Variants in NR2C2AP observed in about 807,000 individuals in gnomAD.
The protein encoded by NR2C2AP is nuclear receptor 2C2 associated protein, also known as nuclear receptor 2C2-associated protein.
In NR2C2AP, 13 loss-of-function variants were observed where a neutral mutation model predicts 19.1. That is an observed-to-expected ratio of 0.68 (90% confidence interval 0.44 to 1.08). The LOEUF (loss-of-function observed/expected upper bound fraction) is 1.08, where lower values mean the gene tolerates loss of function less well. Ranked by LOEUF, NR2C2AP falls within the 50% of genes least tolerant of loss-of-function variation. The pLI is 0.00. For synonymous variants in NR2C2AP, 81 were observed against 64.4 expected (o/e 1.26, Z -1.23); for missense variants, 181 against 172.7 (o/e 1.05, Z -0.27).
At position 19,201,623 on chromosome 19, in the gene NR2C2AP, C is replaced by T. The variant is rs755199376; in HGVS notation, c.*302G>A. ...CCCCACTCCCGATTCAAGCTCACAGCCCACCTTTTCCCTGCCCCATCTCAG... is the reference window on the plus strand; with the variant it reads ...CCCCACTCCCGATTCAAGCTCACAGTCCACCTTTTCCCTGCCCCATCTCAG... On this transcript the variant is annotated 3_prime_UTR_variant, in exon 5 of 5. Coordinates refer to ENST00000331552, the MANE Select transcript of NR2C2AP (RefSeq NM_176880.6). 2 of 1,613,908 alleles carry T rather than the reference C, an allele frequency of 1.2e-6. No individual in the cohort carries two copies. Among genetic ancestry groups the T allele is most frequent in the Non-Finnish European group, 1.7e-6 (2 of 1,180,024 alleles).
chr19:19,201,523 G>T lies in NR2C2AP; in HGVS notation c.*402C>A. 3 of 1,602,204 alleles carry T rather than the reference G, an allele frequency of 1.9e-6. No individual in the cohort carries two copies. The highest frequency in any genetic ancestry group is 2.5e-6 in the Non-Finnish European group (3 of 1,179,708). ...GTGAGTCCTCGGTTCTCCCAGCTTT[G>T]CTCTGTAATGCAGGTCTCTGCAAGG... On this transcript the variant is annotated 3_prime_UTR_variant, in exon 5 of 5. Transcript: ENST00000331552.
At chr19:19,202,911 G>C (rs1372739959) in intron 1 of NR2C2AP, 30 bp from the exon 2 acceptor site, 2 of 1,610,200 alleles carry the variant, frequency 1.2e-6, no homozygotes, top group Non-Finnish European at 8.5e-7. Context: ...GGCGAAGAGA[G>C]GGGCTGAGAC....
rs369777327 is a variant in NR2C2AP at position 19,203,052 on chromosome 19, G to A, written c.9C>T (p.His3=). 5.6e-6 allele frequency: 9 copies of A among 1,614,082 alleles called. No individual in the cohort carries two copies. Among genetic ancestry groups the A allele is most frequent in the Non-Finnish European group, 7.6e-6 (9 of 1,179,940 alleles). Residue 3 remains histidine (H), a synonymous_variant, in exon 1 of 5, where the codon CAC becomes CAT. Transcript: ENST00000331552. The part of the protein sequence containing the change: MT[H]SLVCPETVSR... ...TCACTGTCTCTGGACAAACCAAAGA[G>A]TGGGTCATGTCGGTTCCACAAGACC...
chr19:19,202,646 CA>C, intron 2 of NR2C2AP, 71 bp from the exon 3 acceptor site: 1 of 1,449,620 alleles, frequency 6.9e-7, no homozygotes, highest in South Asian at 1.1e-5. Context: ...CTGTCTCATT[CA>C]CATAGTTCTT....
chr19:19,203,176 C>T lies in NR2C2AP; in HGVS notation c.-116G>A. Reference sequence around the variant, plus strand: ...TTGGCTACGCCTTGGCCTGAACGTCCTCACCTGTAACTTGGGACGAGAACC... The same window carrying T: ...TTGGCTACGCCTTGGCCTGAACGTCTTCACCTGTAACTTGGGACGAGAACC... On this transcript the variant is annotated 5_prime_UTR_variant, in exon 1 of 5. Transcript: ENST00000331552. 1 of 1,033,816 alleles carries T rather than the reference C, an allele frequency of 9.7e-7. No homozygotes were observed. The highest frequency in any genetic ancestry group is 1.5e-6 in the Non-Finnish European group (1 of 676,762). 64.0% of individuals were successfully genotyped at this position (1,033,816 alleles called of 1,614,324 possible). A position where few individuals can be genotyped will look rare whatever the true frequency, so the allele number is the denominator to read the frequency against.
rs758311704 is a variant in NR2C2AP, at chr19:19,202,459, CCTT to C, written c.235+8_235+10del. The C allele has an allele frequency of 4.3e-6, 7 of 1,613,530 alleles. No individual in the cohort carries two copies. The highest frequency in any genetic ancestry group is 5.9e-6 in the Non-Finnish European group (7 of 1,179,430). Reference sequence around the variant, plus strand: ...CCCCTGGAACCCCTGCCACCCAGGGCCTTCTAGTACCTTCCAGGCAGCCCCGGC... The same window carrying C: ...CCCCTGGAACCCCTGCCACCCAGGGCCTAGTACCTTCCAGGCAGCCCCGGC... On this transcript the variant is annotated splice_region_variant and intron_variant, in intron 3 of 4. Coordinates refer to ENST00000331552, the MANE Select transcript of NR2C2AP (RefSeq NM_176880.6).
rs1341262940 is a variant in NR2C2AP, at chr19:19,203,380, A to T, written c.-320T>A. On this transcript the variant is annotated 5_prime_UTR_variant, in exon 1 of 5. Transcript: ENST00000331552. Reference sequence around the variant, plus strand: ...TGTGCGAGGCTGTTTCTCTGCGAATAGCTCTTGGAGCCAAATCTTGGGACC... The same window carrying T: ...TGTGCGAGGCTGTTTCTCTGCGAATTGCTCTTGGAGCCAAATCTTGGGACC... The T allele has an allele frequency of 1.1e-5, 5 of 456,696 alleles. No homozygotes were observed. The highest frequency in any genetic ancestry group is 2.0e-5 in the African/African-American group (1 of 50,618). 28.3% of individuals were successfully genotyped at this position (456,696 alleles called of 1,614,324 possible). A position where few individuals can be genotyped will look rare whatever the true frequency, so the allele number is the denominator to read the frequency against.
Position 19,203,368 on chromosome 19 carries a change from T to G in NR2C2AP, c.-308A>C. 2 of 491,862 alleles carry G rather than the reference T, an allele frequency of 4.1e-6. No individual in the cohort carries two copies. Among genetic ancestry groups the G allele is most frequent in the Admixed American group, 3.3e-5 (1 of 30,620 alleles). The allele number at this position is 491,862 out of a possible 1,614,324, so 30.5% of individuals were successfully genotyped here. A position where few individuals can be genotyped will look rare whatever the true frequency, so the allele number is the denominator to read the frequency against. ...GCGGTGGCTTTTTGTGCGAGGCTGT[T>G]TCTCTGCGAATAGCTCTTGGAGCCA... is the stretch of plus-strand genomic sequence containing the variant. On this transcript the variant is annotated 5_prime_UTR_variant, in exon 1 of 5. Coordinates refer to ENST00000331552, the MANE Select transcript of NR2C2AP (RefSeq NM_176880.6).
rs1568586226 is a variant in NR2C2AP, at chr19:19,201,748, A to C, written c.*177T>G. The stretch of plus-strand genomic sequence containing the variant: ...CCGCCTGCCGGGGACTCAGACACTC[A>C]GGGAACAAAATGGTCAGCCAGAGCT... On this transcript the variant is annotated 3_prime_UTR_variant, in exon 5 of 5. Coordinates refer to ENST00000331552, the MANE Select transcript of NR2C2AP (RefSeq NM_176880.6). 1 of 1,613,734 alleles carries C rather than the reference A, an allele frequency of 6.2e-7. No individual in the cohort carries two copies. The highest frequency in any genetic ancestry group is 1.7e-5 in the Admixed American group (1 of 60,022).
In NR2C2AP at chr19:19,201,647, A is replaced by G; in HGVS notation, c.*278T>C. ...GCCCACCTTTTCCCTGCCCCATCTC[A>G]GTGCAACAGGTGATCGAGAACCACA... On this transcript the variant is annotated 3_prime_UTR_variant, in exon 5 of 5. Transcript: ENST00000331552. 1 of 1,614,096 alleles carries G rather than the reference A, an allele frequency of 6.2e-7. No individual in the cohort carries two copies. Among genetic ancestry groups the G allele is most frequent in the Non-Finnish European group, 8.5e-7 (1 of 1,180,018 alleles).
chr19:19,202,866 C>G lies in NR2C2AP; in HGVS notation c.54G>C (p.Leu18=). Residue 18 remains leucine, a synonymous_variant, in exon 2 of 5, where the codon CTG becomes CTC. Coordinates refer to ENST00000331552, the MANE Select transcript of NR2C2AP (RefSeq NM_176880.6). ...PETVSRVSSV[L]NRNTRQFGKK... is the part of the protein sequence containing the mutation. ...TTCCAAACTGCCGAGTGTTGCGATT[C>G]AGCACTGAACTCACCCTGGAGGCAC... is the stretch of plus-strand genomic sequence containing the variant. 6.2e-7 allele frequency: 1 copy of G among 1,613,748 alleles called. No individual in the cohort carries two copies. Among genetic ancestry groups the G allele is most frequent in the East Asian group, 2.2e-5 (1 of 44,878 alleles).
chr19:19,201,735 G>A lies in NR2C2AP; in HGVS notation c.*190C>T, dbSNP rs370507391. 36 of 1,613,678 alleles carry A rather than the reference G, an allele frequency of 2.2e-5. No homozygotes were observed. Among genetic ancestry groups the A allele is most frequent in the Admixed American group, 1.0e-4 (6 of 60,010 alleles). On this transcript the variant is annotated 3_prime_UTR_variant, in exon 5 of 5. Transcript: ENST00000331552. The stretch of plus-strand genomic sequence containing the variant: ...CCCTGAGTGAAGGCCGCCTGCCGGG[G>A]ACTCAGACACTCAGGGAACAAAATG...
chr19:19,202,663 G>T, intron 2 of NR2C2AP, 88 bp from the exon 3 acceptor site: 1 of 1,414,800 alleles, frequency 7.1e-7, no homozygotes. Flanking sequence ...TTCTTGGAAT[G>T]GAGGGGAAGA....
chr19:19,202,873 G>A lies in NR2C2AP; in HGVS notation c.47C>T (p.Ser16Leu). ...CTGCCGAGTGTTGCGATTCAGCACT[G>A]AACTCACCCTGGAGGCACCAGGATC... ...VCPETVSRVSSVLNRNTRQFG... is the reference protein window; with the variant it reads ...VCPETVSRVSLVLNRNTRQFG... Residue 16 changes from serine (S) to leucine (L), a missense_variant, in exon 2 of 5, where the codon TCA (serine) becomes TTA (leucine). Physicochemically the swap from Ser to Leu is moderately radical, Grantham distance 145 (BLOSUM62 -2). Transcript: ENST00000331552. The A allele has an allele frequency of 1.2e-6, 2 of 1,613,596 alleles. No homozygotes were observed. The highest frequency in any genetic ancestry group is 1.7e-6 in the Non-Finnish European group (2 of 1,179,872).
In NR2C2AP at chr19:19,201,930, CCTT is replaced by C; in HGVS notation, c.412_414del (p.Lys138del). 2.5e-6 allele frequency: 4 copies of C among 1,614,214 alleles called. No homozygotes were observed. The highest frequency in any genetic ancestry group is 3.4e-6 in the Non-Finnish European group (4 of 1,180,032). On this transcript the variant is annotated inframe_deletion, in exon 5 of 5. Coordinates refer to ENST00000331552, the MANE Select transcript of NR2C2AP (RefSeq NM_176880.6). ...GGAGACAGCCCCTAGAGGTCTCACA[CCTT>C]CTCCCCAAGCACCCGCAGGTGGTAG...
At position 19,203,153 on chromosome 19, in the gene NR2C2AP, G is replaced by A; in HGVS notation, c.-93C>T. ...TCAAGCTACAGGGCGGCGCGATCTTGGCTACGCCTTGGCCTGAACGTCCTC... is the reference window on the plus strand; with the variant it reads ...TCAAGCTACAGGGCGGCGCGATCTTAGCTACGCCTTGGCCTGAACGTCCTC... On this transcript the variant is annotated 5_prime_UTR_variant, in exon 1 of 5. Coordinates refer to ENST00000331552, the MANE Select transcript of NR2C2AP (RefSeq NM_176880.6). 1 of 1,355,342 alleles carries A rather than the reference G, an allele frequency of 7.4e-7. No homozygotes were observed. The highest frequency in any genetic ancestry group is 1.0e-6 in the Non-Finnish European group (1 of 960,218). The allele number at this position is 1,355,342 out of a possible 1,614,324, so 84.0% of individuals were successfully genotyped here. A position where few individuals can be genotyped will look rare whatever the true frequency, so the allele number is the denominator to read the frequency against.
intron 4 of NR2C2AP, 25 bp from the exon 5 acceptor site, chr19:19,202,066 CTG>C (rs762105891): frequency 5.5e-5 from 88 of 1,611,900 alleles, no homozygotes; most frequent in East Asian, 1.3e-4. Context: ...TCAAGGGAAA[CTG>C]GTGATTTCTG....
At position 19,201,570 on chromosome 19, in the gene NR2C2AP, G is replaced by A. The variant is rs2146520725; in HGVS notation, c.*355C>T. 5 of 1,610,266 alleles carry A rather than the reference G, an allele frequency of 3.1e-6. No individual in the cohort carries two copies. In the East Asian group the frequency reaches 6.7e-5, roughly 22 times the overall value. On this transcript the variant is annotated 3_prime_UTR_variant, in exon 5 of 5. Transcript: ENST00000331552. ...AAGGGTCCCTGTTTGTCCCCTAAGG[G>A]GAGAGCGCAGGTTGGCCTGTGCCTC...
At position 19,202,783 on chromosome 19, in the gene NR2C2AP, C is replaced by T. The variant is rs2060739512; in HGVS notation, c.129+8G>A. 1.2e-6 allele frequency: 2 copies of T among 1,611,668 alleles called. No homozygotes were observed. Among genetic ancestry groups the T allele is most frequent in the African/African-American group, 1.3e-5 (1 of 74,866 alleles). On this transcript the variant is annotated splice_region_variant and intron_variant, in intron 2 of 4. Coordinates refer to ENST00000331552, the MANE Select transcript of NR2C2AP (RefSeq NM_176880.6). ...CCTAGAGATGGAGGGTCGAGGGAGGCGCCTCACCTGGTCTGAGTTCCAACA... is the reference window on the plus strand; with the variant it reads ...CCTAGAGATGGAGGGTCGAGGGAGGTGCCTCACCTGGTCTGAGTTCCAACA...
Sources: gnomAD v4.1 joint callset for allele counts on GRCh38, gnomAD v4.1.1 for gene constraint, MANE v1.5 for transcripts, NCBI Gene and HGNC (gene_info 2026-07-23, HGNC 2026-07-21) for gene names.